The following TFEC variants were observed in gnomAD, a reference collection of about 807,000 sequenced individuals.
TFEC encodes the protein transcription factor EC, also known as class E basic helix-loop-helix protein 34.
In TFEC, 31 loss-of-function variants were observed where a neutral mutation model predicts 41.6. The observed-to-expected ratio is 0.74, with a 90% confidence interval of 0.56 to 1.01. The LOEUF (loss-of-function observed/expected upper bound fraction) is 1.01, where lower values mean the gene tolerates loss of function less well. TFEC is among the 50% of genes least tolerant of loss of function. TFEC has a pLI of 0.00. For missense variants in TFEC, 402 were observed against 404.1 expected, an observed-to-expected ratio of 0.99 and a Z score of 0.04; for synonymous variants, 143 against 140.6, an observed-to-expected ratio of 1.02 and a Z score of -0.12.
chr7:116,019,548 A>G (rs1795317018), intron 1 of TFEC, among the ~76,000 whole-genome samples: 1 of 152,198 alleles, frequency 6.6e-6, no homozygotes, highest in Non-Finnish European at 1.5e-5. Context: ...TTGCACAGAT[A>G]ATTTGGTTTC....
At chr7:116,128,644 G>A (rs1584550543) in intron 1 of TFEC, among the ~76,000 whole-genome samples, 1 of 152,122 alleles carries the variant, frequency 6.6e-6, no homozygotes, top group Non-Finnish European at 1.5e-5. Context: ...TGAATTACTT[G>A]TTATTGATCT....
At chr7:116,094,675 G>A (rs548573275) in intron 3 of TFEC, among the ~76,000 whole-genome samples, 105 of 152,140 alleles carry the variant, frequency 6.9e-4, no homozygotes, top group African/African-American at 2.2e-3. Context: ...GAAAGACTCC[G>A]TTTCAAACAA....
At chr7:116,007,650 G>C (rs1794850320) in intron 1 of TFEC, among the ~76,000 whole-genome samples, 1 of 152,120 alleles carries the variant, frequency 6.6e-6, no homozygotes, top group Non-Finnish European at 1.5e-5. Flanking sequence ...GATCCTACTA[G>C]GTGAATAACA....
intron 3 of TFEC, among the ~76,000 whole-genome samples, chr7:116,090,210 C>A (rs1797293680): frequency 6.6e-6 from 1 of 152,042 alleles, no homozygotes; most frequent in Non-Finnish European, 1.5e-5. Context: ...GGAGTGTGAC[C>A]TTTGTAACTT....
chr7:115,956,971 ATAAAATG>A (rs2130429843), intron 3 of TFEC, among the ~76,000 whole-genome samples, 178 bp from the exon 4 acceptor site: 1 of 152,082 alleles, frequency 6.6e-6, no homozygotes, highest in East Asian at 1.9e-4. Context: ...AAGATGCATT[ATAAAATG>A]CTTACAGATA....
intron 1 of TFEC, among the ~76,000 whole-genome samples, chr7:116,028,015 G>T (rs1225858132): frequency 6.6e-6 from 1 of 152,122 alleles, no homozygotes; most frequent in African/African-American, 2.4e-5. Flanking sequence ...TGAAAAACTG[G>T]GAACAAGGGC....
At chr7:116,155,092 C>G (rs1011029117) in intron 1 of TFEC, among the ~76,000 whole-genome samples, 5 of 151,920 alleles carry the variant, frequency 3.3e-5, no homozygotes, top group African/African-American at 1.2e-4. Flanking sequence ...GTTATGTAAC[C>G]AATTCTCTCT....
At chr7:116,145,574 C>A (rs1798625671) in intron 1 of TFEC, among the ~76,000 whole-genome samples, 1 of 152,180 alleles carries the variant, frequency 6.6e-6, no homozygotes, top group Non-Finnish European at 1.5e-5. Flanking sequence ...TATTTCTACA[C>A]AAATACCAAG....
intron 3 of TFEC, among the ~76,000 whole-genome samples, chr7:116,089,439 A>G (rs113266886): frequency 0.043 from 6,478 of 152,198 alleles, 211 homozygotes; most frequent in Middle Eastern, 0.095. Flanking sequence ...CTTGACCAGG[A>G]GACCATTAAA....
chr7:116,117,534 A>T (rs574591228), intron 1 of TFEC: 4 of 151,718 alleles, frequency 2.6e-5, no homozygotes, highest in Non-Finnish European at 5.9e-5. Context: ...TCAAGCAGGA[A>T]CCTCTCTTAT....
chr7:115,948,228 T>G (rs575894670), intron 6 of TFEC, among the ~76,000 whole-genome samples: 2 of 150,214 alleles, frequency 1.3e-5, no homozygotes, highest in South Asian at 2.1e-4. Context: ...CCAAAAAGAG[T>G]CCAGGACCAG....
chr7:115,942,821 T>C (rs1039746631), intron 6 of TFEC, among the ~76,000 whole-genome samples: 2 of 152,042 alleles, frequency 1.3e-5, no homozygotes, highest in African/African-American at 4.8e-5. Context: ...GATTTTGATA[T>C]CTGAAAATAT....
intron 1 of TFEC, among the ~76,000 whole-genome samples, chr7:115,991,767 A>G (rs1445701226): frequency 6.6e-6 from 1 of 152,202 alleles, no homozygotes; most frequent in East Asian, 1.9e-4. Flanking sequence ...GGGAGACTTT[A>G]ACACCCCACT....
At chr7:116,156,554 C>A (rs1332137170) in intron 1 of TFEC, among the ~76,000 whole-genome samples, 4 of 152,156 alleles carry the variant, frequency 2.6e-5, no homozygotes, top group Non-Finnish European at 5.9e-5. Context: ...TGAATCTTTT[C>A]TTGCAATTTG....
At chr7:116,015,279 G>T (rs1795145240) in intron 1 of TFEC, among the ~76,000 whole-genome samples, 1 of 152,036 alleles carries the variant, frequency 6.6e-6, no homozygotes. Context: ...ACAAAGGTCA[G>T]TTTCCTAAAT....
intron 1 of TFEC, among the ~76,000 whole-genome samples, chr7:116,000,216 T>C (rs1472606396): frequency 1.3e-5 from 2 of 152,094 alleles, no homozygotes; most frequent in Non-Finnish European, 2.9e-5. Flanking sequence ...AAAGACCACA[T>C]GATCATTTCA....
At chr7:116,072,674 C>G (rs1796857975) in intron 3 of TFEC, among the ~76,000 whole-genome samples, 1 of 151,468 alleles carries the variant, frequency 6.6e-6, no homozygotes, top group Admixed American at 6.6e-5. Context: ...TATCCATGGA[C>G]TGGTAAGTTT....
chr7:116,133,202 G>A (rs988640083), intron 1 of TFEC, among the ~76,000 whole-genome samples: 5 of 151,862 alleles, frequency 3.3e-5, no homozygotes, highest in Middle Eastern at 3.2e-3. Context: ...TTAGATTCTC[G>A]GCAACAAAAC....
chr7:115,969,964 A>G (rs1584610887), intron 3 of TFEC, among the ~76,000 whole-genome samples: 1 of 152,080 alleles, frequency 6.6e-6, no homozygotes, highest in Admixed American at 6.6e-5. Flanking sequence ...TGGAGGAAGG[A>G]CTTCTTTTCA....
Sources: gnomAD v4.1 joint callset for allele counts (sites outside exome capture counted in the v4.1 genomes callset) on GRCh38, gnomAD v4.1.1 for gene constraint, MANE v1.5 for transcripts, NCBI Gene and HGNC (gene_info 2026-07-23, HGNC 2026-07-21) for gene names.